Variants in ZNF385B observed in about 807,000 individuals in gnomAD.
ZNF385B encodes the protein zinc finger protein 385B.
In ZNF385B, 23 loss-of-function variants were observed where a neutral mutation model predicts 39.2. That is an observed-to-expected ratio of 0.59 (90% CI 0.42 to 0.83). ZNF385B has a LOEUF of 0.83. ZNF385B is among the 40% of genes least tolerant of loss of function. ZNF385B has a pLI of 0.00. For synonymous variants in ZNF385B, 205 were observed against 222.6 expected, an observed-to-expected ratio of 0.92 and a Z score of 0.70; for missense variants, 552 against 598.9, an observed-to-expected ratio of 0.92 and a Z score of 0.82.
At chr2:179,828,275 T>C (rs941565777) in intron 1 of ZNF385B, among the ~76,000 whole-genome samples, 2 of 152,160 alleles carry the variant, frequency 1.3e-5, no homozygotes, top group Non-Finnish European at 2.9e-5. Context: ...AAGTGTGAGA[T>C]AATGATATGT....
chr2:179,734,218 T>G (rs1701593082), intron 3 of ZNF385B, among the ~76,000 whole-genome samples: 1 of 152,238 alleles, frequency 6.6e-6, no homozygotes, highest in Non-Finnish European at 1.5e-5. Context: ...TTTATGTATA[T>G]GTATATACAC....
At chr2:179,811,337 C>A (rs751964254) in intron 1 of ZNF385B, among the ~76,000 whole-genome samples, 24 of 151,916 alleles carry the variant, frequency 1.6e-4, no homozygotes, top group Admixed American at 1.4e-3. Flanking sequence ...AAAAAAGAGC[C>A]CAAATATTGA....
chr2:179,756,730 TC>T (rs1278653906), intron 3 of ZNF385B, among the ~76,000 whole-genome samples: 1 of 152,260 alleles, frequency 6.6e-6, no homozygotes, highest in East Asian at 1.9e-4. Flanking sequence ...CATTTGATCT[TC>T]AATGACTGAT....
intron 5 of ZNF385B, among the ~76,000 whole-genome samples, chr2:179,504,190 T>C (rs1241801597): frequency 6.6e-6 from 1 of 151,956 alleles, no homozygotes; most frequent in Non-Finnish European, 1.5e-5. Context: ...TCCATGTCCC[T>C]ACAAAGGACA....
chr2:179,597,164 A>G (rs1221342421), intron 3 of ZNF385B, among the ~76,000 whole-genome samples: 2 of 152,206 alleles, frequency 1.3e-5, no homozygotes, highest in African/African-American at 4.8e-5. Context: ...AAATTGTTCC[A>G]GCCTCTATCC....
rs111558481 is a variant in ZNF385B at position 179,642,458 on chromosome 2, CT to C, written c.299-97490del. On this transcript the variant is annotated intron_variant, in intron 3 of 9. Transcript: ENST00000410066. ...CTCCTGTCTCAACAACTCCATTCCT[CT>C]TTTTTTTCTCATAGAAACTATTTTC... 4.0e-3 allele frequency among the ~76,000 whole-genome samples: 601 copies of C among 152,116 alleles called. 4 individuals carry two copies. The highest frequency in any genetic ancestry group is 0.013 in the African/African-American group (552 of 41,500).
intron 4 of ZNF385B, among the ~76,000 whole-genome samples, chr2:179,521,363 T>TTTG (rs2058489384): frequency 6.8e-6 from 1 of 146,896 alleles, no homozygotes; most frequent in Admixed American, 6.8e-5. Context: ...GTTTTTTTTT[T>TTTG]TTTTTTTTGT....
chr2:179,581,954 T>C (rs1389076125), intron 3 of ZNF385B, among the ~76,000 whole-genome samples: 2 of 152,196 alleles, frequency 1.3e-5, no homozygotes, highest in African/African-American at 4.8e-5. Flanking sequence ...CAAGCCTCTG[T>C]CTTATGAAAA....
intron 6 of ZNF385B, among the ~76,000 whole-genome samples, chr2:179,451,911 A>G (rs574628294): frequency 1.3e-5 from 2 of 152,154 alleles, no homozygotes; most frequent in Non-Finnish European, 2.9e-5. Context: ...TAATTAATGT[A>G]CTGTTTACTT....
intron 1 of ZNF385B, among the ~76,000 whole-genome samples, chr2:179,777,225 A>G (rs940387344): frequency 6.6e-6 from 1 of 152,106 alleles, no homozygotes; most frequent in African/African-American, 2.4e-5. Flanking sequence ...TAATGCAAGA[A>G]TATCAATTGT....
At chr2:179,759,000 G>C (rs1234800047) in intron 3 of ZNF385B, among the ~76,000 whole-genome samples, 2 of 152,144 alleles carry the variant, frequency 1.3e-5, no homozygotes, top group African/African-American at 4.8e-5. Flanking sequence ...CTCAGTTTCA[G>C]CCACATCTCA....
At chr2:179,535,011 G>A (rs2105873424) in intron 4 of ZNF385B, among the ~76,000 whole-genome samples, 1 of 152,244 alleles carries the variant, frequency 6.6e-6, no homozygotes, top group African/African-American at 2.4e-5. Flanking sequence ...GGGAAATGTA[G>A]ATATTTATGG....
intron 3 of ZNF385B, among the ~76,000 whole-genome samples, chr2:179,744,977 C>T (rs2106458032): frequency 6.6e-6 from 1 of 152,048 alleles, no homozygotes; most frequent in African/African-American, 2.4e-5. Context: ...TACATCAAAC[C>T]TTTCCAAGCA....
At chr2:179,767,980 C>T (rs905550888) in intron 3 of ZNF385B, among the ~76,000 whole-genome samples, 1 of 149,900 alleles carries the variant, frequency 6.7e-6, no homozygotes, top group East Asian at 1.9e-4. Flanking sequence ...GATGGAGTCT[C>T]GCTCTATTGC....
intron 6 of ZNF385B, among the ~76,000 whole-genome samples, chr2:179,464,538 A>C (rs1379861178): frequency 6.6e-6 from 1 of 152,138 alleles, no homozygotes; most frequent in East Asian, 1.9e-4. Flanking sequence ...AGGTGTAAGG[A>C]AGGGGTCCAG....
Position 179,770,593 on chromosome 2 carries a change from G to A in ZNF385B, c.-75C>T, listed in dbSNP as rs1703958171. On this transcript the variant is annotated 5_prime_UTR_variant, in exon 2 of 10. Transcript: ENST00000410066. The stretch of plus-strand genomic sequence containing the variant: ...TTGGACATATTTTCTTATTCTTGTA[G>A]TGAAACAAACTGTTTTTCGGTTTCC... 3 of 152,270 alleles carry A rather than the reference G, an allele frequency of 2.0e-5. No individual in the cohort carries two copies. In the South Asian group the frequency reaches 6.2e-4, roughly 32 times the overall value. The allele number at this position is 152,270 out of a possible 1,614,324, so 9.4% of individuals were successfully genotyped here. A position where few individuals can be genotyped will look rare whatever the true frequency, so the allele number is the denominator to read the frequency against.
intron 5 of ZNF385B, among the ~76,000 whole-genome samples, chr2:179,494,948 C>T (rs2056039826): frequency 6.6e-6 from 1 of 151,962 alleles, no homozygotes; most frequent in African/African-American, 2.4e-5. Flanking sequence ...GTGGTAGCTA[C>T]AGGGCAAAAT....
intron 3 of ZNF385B, among the ~76,000 whole-genome samples, chr2:179,733,971 T>G (rs1701572866): frequency 1.3e-5 from 2 of 152,154 alleles, no homozygotes; most frequent in Non-Finnish European, 1.5e-5. Context: ...TGTATATATG[T>G]ACATACACAC....
At chr2:179,520,541 C>G (rs975641751) in intron 4 of ZNF385B, among the ~76,000 whole-genome samples, 1 of 152,094 alleles carries the variant, frequency 6.6e-6, no homozygotes, top group Non-Finnish European at 1.5e-5. Flanking sequence ...ATACTTAAAT[C>G]CCATCTATCT....
Sources: allele counts gnomAD v4.1 joint callset (sites outside exome capture counted in the v4.1 genomes callset), GRCh38; gene constraint gnomAD v4.1.1; transcripts MANE v1.5; gene names NCBI Gene and HGNC (gene_info 2026-07-23, HGNC 2026-07-21).